EIF4E2: variants seen among roughly 807,000 people sequenced by gnomAD.
EIF4E2 encodes the protein eukaryotic translation initiation factor 4E type 2.
EIF4E2 carries 13 observed loss-of-function variants against 34.2 expected under a neutral mutation model. That is an observed-to-expected ratio of 0.38 (90% CI 0.25 to 0.60). The LOEUF (loss-of-function observed/expected upper bound fraction) is 0.60, where lower values mean the gene tolerates loss of function less well. Ranked by LOEUF, EIF4E2 falls within the 20% of genes least tolerant of loss-of-function variation. The pLI is 0.62. For missense variants in EIF4E2, 222 were observed against 315.1 expected (o/e 0.70, Z 2.24); for synonymous variants, 100 against 106.6 (o/e 0.94, Z 0.38).
At chr2:232,555,559 G>T (rs1692489799) in intron 1 of EIF4E2, among the ~76,000 whole-genome samples, 1 of 152,164 alleles carries the variant, frequency 6.6e-6, no homozygotes, top group Non-Finnish European at 1.5e-5. Flanking sequence ...CATTTATTCA[G>T]CATCTTCTAG....
At chr2:232,576,167 G>A (rs1485330392) in intron 6 of EIF4E2, among the ~76,000 whole-genome samples, 1 of 151,232 alleles carries the variant, frequency 6.6e-6, no homozygotes, top group Non-Finnish European at 1.5e-5. Flanking sequence ...TCATGCCACT[G>A]TACTCCAGCC....
chr2:232,552,125 T>C (rs1692358783), intron 1 of EIF4E2, among the ~76,000 whole-genome samples: 1 of 152,200 alleles, frequency 6.6e-6, no homozygotes, highest in South Asian at 2.1e-4. Flanking sequence ...ATGGGTCATC[T>C]AGCTCAAGCC....
Position 232,568,957 on chromosome 2 carries a change from G to C in EIF4E2, c.678G>C (p.Arg226Ser), listed in dbSNP as rs149648709. 3.7e-6 allele frequency: 6 copies of C among 1,614,062 alleles called. No homozygotes were observed. The highest frequency in any genetic ancestry group is 3.3e-5 in the Admixed American group (2 of 60,002). ...GCACTTCCACTAGAATGCCAGGCAGGCTGGGCCCCCAAAGGCTCCTTTTTC... is the reference window on the plus strand; with the variant it reads ...GCACTTCCACTAGAATGCCAGGCAGCCTGGGCCCCCAAAGGCTCCTTTTTC... ...THTDSIKMPGRLGPQRLLFQN... is the reference protein window; with the variant it reads ...THTDSIKMPGSLGPQRLLFQN... The change falls in exon 7 of 7, where the codon AGG (arginine) becomes AGC (serine). Residue 226 changes from arginine to serine, a missense_variant. Arg to Ser is a moderately radical substitution (Grantham distance 110). Transcript: ENST00000258416.
rs1023344233 is a variant in EIF4E2 at position 232,566,543 on chromosome 2, T to C, written c.376-286T>C. The stretch of plus-strand genomic sequence containing the variant: ...GATGATCTGTGCTTGAAATATGACA[T>C]CATTTCGTTTTGATTCCTAAAGTAT... On this transcript the variant is annotated intron_variant, in intron 4 of 6. Transcript: ENST00000258416. The surrounding 1 kb of genome is among the most constrained non-coding windows in gnomAD (Gnocchi z 4.9). Among the ~76,000 whole-genome samples, 1 of 152,228 alleles carries C rather than the reference T, an allele frequency of 6.6e-6. No homozygotes were observed. Among genetic ancestry groups the C allele is most frequent in the Admixed American group, 6.5e-5 (1 of 15,286 alleles).
Position 232,556,498 on chromosome 2 carries a change from C to G in EIF4E2, c.103C>G (p.Arg35Gly). ...AGATGGTGAGAAGGAAAAAACGGAA[C>G]GAGACAAGAATCAGAGCAGTAGCAA... is the stretch of plus-strand genomic sequence containing the variant. Reference protein sequence around the residue: ...QKDGEKEKTERDKNQSSSKRK... With the variant: ...QKDGEKEKTEGDKNQSSSKRK... The change falls in exon 2 of 7, where the codon CGA becomes GGA. Residue 35 changes from arginine (R) to glycine (G), a missense_variant. Around this residue, in one of 3 missense-constraint regions of EIF4E2, gnomAD observed 87 missense variants for 93.6 expected, o/e 0.93. Transcript: ENST00000258416. The G allele has an allele frequency of 6.2e-7, 1 of 1,613,270 alleles. No homozygotes were observed. Among genetic ancestry groups the G allele is most frequent in the African/African-American group, 1.3e-5 (1 of 74,994 alleles).
chr2:232,568,700 G>A (rs949885623), intron 6 of EIF4E2: 1 of 985,292 alleles, frequency 1.0e-6, no homozygotes, highest in African/African-American at 1.7e-5. Flanking sequence ...AGTTCTTCGT[G>A]ACTTTTACAG....
intron 6 of EIF4E2, among the ~76,000 whole-genome samples, chr2:232,580,360 A>C (rs1390776371): frequency 6.6e-6 from 1 of 152,094 alleles, no homozygotes; most frequent in Non-Finnish European, 1.5e-5. Flanking sequence ...GAGAGAGAAC[A>C]TCTCCTTCTC....
intron 1 of EIF4E2, 157 bp downstream of exon 1, chr2:232,550,901 G>T: frequency 1.3e-6 from 1 of 771,330 alleles, no homozygotes. Flanking sequence ...GGAGGAGGGG[G>T]CTGGGGAGCA....
At chr2:232,573,366 C>T (rs1450139338), downstream of EIF4E2, among the ~76,000 whole-genome samples, 1 of 152,058 alleles carries the variant, frequency 6.6e-6, no homozygotes, top group African/African-American at 2.4e-5. Flanking sequence ...TTAGAAGCAC[C>T]ATATTTTATA....
At chr2:232,567,917 G>A (rs1162126342) in intron 6 of EIF4E2, 4 of 985,164 alleles carry the variant, frequency 4.1e-6, no homozygotes, top group African/African-American at 1.7e-5. Flanking sequence ...TCTCAAAGCT[G>A]GAGGGAGAGC....
intron 1 of EIF4E2, chr2:232,551,154 G>C (rs1230511081): frequency 1.9e-6 from 1 of 529,188 alleles, no homozygotes; most frequent in African/African-American, 1.9e-5. Context: ...CTGAGCCTCA[G>C]TTTTCTCATC....
chr2:232,557,479 C>A, intron 2 of EIF4E2: 1 of 183,364 alleles, frequency 5.5e-6, no homozygotes, highest in Non-Finnish European at 1.2e-5. Context: ...TTCATTTGAT[C>A]CTCTCAGCAG....
rs754905306 is a variant in EIF4E2 at position 232,566,788 on chromosome 2, G to A, written c.376-41G>A. 9.3e-6 allele frequency: 15 copies of A among 1,611,444 alleles called. No individual in the cohort carries two copies. The African/African-American group carries it at 1.9e-4, about 20-fold the overall frequency. On this transcript the variant is annotated intron_variant, in intron 4 of 6. Transcript: ENST00000258416. This position sits in a 1 kb window ranked among gnomAD's most constrained non-coding sequence, Gnocchi z 4.9. ...CTGCCTTCATACAAAAAAAGGCTGTGAAACCATATTTTAACTTCAGTGCTT... is the reference window on the plus strand; with the variant it reads ...CTGCCTTCATACAAAAAAAGGCTGTAAAACCATATTTTAACTTCAGTGCTT...
chr2:232,574,471 C>A, intron 6 of EIF4E2: 1 of 928,774 alleles, frequency 1.1e-6, no homozygotes, highest in Non-Finnish European at 1.6e-6. Context: ...TCCCAAACCA[C>A]TGGATTCTCA....
At chr2:232,562,578 G>A (rs919401211) in intron 3 of EIF4E2, among the ~76,000 whole-genome samples, 15 of 152,088 alleles carry the variant, frequency 9.9e-5, no homozygotes, top group African/African-American at 3.1e-4. Context: ...CAAAAAGAGC[G>A]AAACTCCATC....
At chr2:232,564,510 G>A (rs1045334149) in intron 4 of EIF4E2, among the ~76,000 whole-genome samples, 159 bp downstream of exon 4, 1 of 152,192 alleles carries the variant, frequency 6.6e-6, no homozygotes, top group East Asian at 1.9e-4. Flanking sequence ...GAGCGCAGTG[G>A]CGCGATCTCG....
At chr2:232,577,625 T>TA (rs1294563318) in intron 6 of EIF4E2, among the ~76,000 whole-genome samples, 1 of 152,228 alleles carries the variant, frequency 6.6e-6, no homozygotes, top group East Asian at 1.9e-4. Context: ...GGACAACGAT[T>TA]TTCCCCAAGA....
chr2:232,559,316 G>C (rs1328228385), intron 3 of EIF4E2, among the ~76,000 whole-genome samples: 2 of 151,056 alleles, frequency 1.3e-5, no homozygotes, highest in Non-Finnish European at 2.9e-5. Flanking sequence ...TAGTACTCCT[G>C]ATGTCTTAAA....
At chr2:232,552,822 T>C (rs568765868) in intron 1 of EIF4E2, among the ~76,000 whole-genome samples, 1 of 152,366 alleles carries the variant, frequency 6.6e-6, no homozygotes, top group Non-Finnish European at 1.5e-5. Context: ...AAACAAGCTT[T>C]CTTTCATTTG....
Sources: allele counts gnomAD v4.1 joint callset (sites outside exome capture counted in the v4.1 genomes callset), GRCh38; gene constraint gnomAD v4.1.1; regional missense constraint gnomAD v4.1.1; non-coding constraint Gnocchi (gnomAD v3.1); transcripts MANE v1.5; gene names NCBI Gene and HGNC (gene_info 2026-07-23, HGNC 2026-07-21).